The following LSAMP variants were observed in gnomAD, a reference collection of about 807,000 sequenced individuals.
LSAMP encodes the protein limbic system-associated membrane protein.
LSAMP carries 7 observed loss-of-function variants against 38.6 expected under a neutral mutation model. That is an observed-to-expected ratio of 0.18 (90% CI 0.10 to 0.34). The LOEUF (loss-of-function observed/expected upper bound fraction) is 0.34, where lower values mean the gene tolerates loss of function less well. Among genes scored for constraint, LSAMP ranks in the 10% least tolerant of loss-of-function variants. LSAMP has a pLI of 1.00. For synonymous variants in LSAMP, 154 were observed against 166.8 expected, an observed-to-expected ratio of 0.92 and a Z score of 0.59; for missense variants, 313 against 420.0, an observed-to-expected ratio of 0.75 and a Z score of 2.23.
chr3:116,114,750 G>A (rs965067138), intron 1 of LSAMP, among the ~76,000 whole-genome samples: 2 of 152,336 alleles, frequency 1.3e-5, no homozygotes, highest in African/African-American at 2.4e-5. Flanking sequence ...AATCCCTTGG[G>A]TAGATTGTAG....
chr3:116,303,050 A>T (rs952450353), intron 1 of LSAMP, among the ~76,000 whole-genome samples: 1 of 151,664 alleles, frequency 6.6e-6, no homozygotes, highest in Admixed American at 6.6e-5. Flanking sequence ...ATTTTAATTA[A>T]TTTTTTTTTG....
At chr3:116,099,960 C>A (rs944441582) in intron 1 of LSAMP, among the ~76,000 whole-genome samples, 4 of 151,966 alleles carry the variant, frequency 2.6e-5, no homozygotes, top group Non-Finnish European at 5.9e-5. Flanking sequence ...TTCAACATGT[C>A]CTGAGCTGAA....
chr3:115,980,222 C>T (rs1224382558), intron 3 of LSAMP, among the ~76,000 whole-genome samples: 1 of 146,686 alleles, frequency 6.8e-6, no homozygotes, highest in African/African-American at 2.7e-5. Flanking sequence ...TCCCTCTTAA[C>T]AAATGATCAG....
intron 4 of LSAMP, 44 bp downstream of exon 4, chr3:115,852,439 T>C: frequency 6.4e-7 from 1 of 1,566,218 alleles, no homozygotes; most frequent in Non-Finnish European, 8.6e-7. Context: ...GAGGTAGAGG[T>C]GCACCCTGGG....
chr3:115,895,240 G>T (rs1052989969), intron 3 of LSAMP, among the ~76,000 whole-genome samples: 3 of 152,032 alleles, frequency 2.0e-5, no homozygotes, highest in African/African-American at 7.2e-5. Flanking sequence ...AATTGTGAGG[G>T]TTTAGAGGCT....
intron 1 of LSAMP, among the ~76,000 whole-genome samples, chr3:116,405,744 T>G (rs371043644): frequency 6.6e-6 from 1 of 152,122 alleles, no homozygotes; most frequent in African/African-American, 2.4e-5. Flanking sequence ...TTAATTATTT[T>G]TTGCAGATGC....
chr3:116,204,617 T>C (rs1272523802), intron 1 of LSAMP, among the ~76,000 whole-genome samples: 4 of 152,108 alleles, frequency 2.6e-5, no homozygotes, highest in South Asian at 2.1e-4. Flanking sequence ...TCTTTCTCCA[T>C]ATGGCTAGCC....
At chr3:116,353,807 A>G (rs1021263522) in intron 1 of LSAMP, among the ~76,000 whole-genome samples, 17 of 152,260 alleles carry the variant, frequency 1.1e-4, no homozygotes, top group African/African-American at 4.1e-4. Context: ...GCACGTTGAC[A>G]CAAACACTGG....
intron 3 of LSAMP, among the ~76,000 whole-genome samples, chr3:115,967,848 A>G (rs1400605226): frequency 2.0e-5 from 3 of 152,042 alleles, no homozygotes; most frequent in Non-Finnish European, 4.4e-5. Flanking sequence ...ACCATCTCCC[A>G]CTGGATTCCT....
chr3:116,317,931 T>A (rs2047654588), intron 1 of LSAMP, among the ~76,000 whole-genome samples: 1 of 150,484 alleles, frequency 6.6e-6, no homozygotes, highest in Non-Finnish European at 1.5e-5. Flanking sequence ...AGGTCAGGAG[T>A]TCGAGACCAG....
chr3:116,188,334 C>T (rs1454868772), intron 1 of LSAMP, among the ~76,000 whole-genome samples: 1 of 152,136 alleles, frequency 6.6e-6, no homozygotes, highest in African/African-American at 2.4e-5. Flanking sequence ...TCATATGCAG[C>T]TCTATTGATT....
intron 1 of LSAMP, among the ~76,000 whole-genome samples, chr3:116,258,713 G>A (rs2107655900): frequency 6.6e-6 from 1 of 152,218 alleles, no homozygotes; most frequent in South Asian, 2.1e-4. Flanking sequence ...TGTTTGCCCT[G>A]CTTCCTGAAG....
At chr3:116,253,791 C>G (rs2046716572) in intron 1 of LSAMP, among the ~76,000 whole-genome samples, 1 of 152,128 alleles carries the variant, frequency 6.6e-6, no homozygotes, top group African/African-American at 2.4e-5. Flanking sequence ...GGCAGGAAAA[C>G]AGAGTAGAGT....
intron 1 of LSAMP, among the ~76,000 whole-genome samples, chr3:116,401,274 C>T (rs2048838319): frequency 6.6e-6 from 1 of 152,126 alleles, no homozygotes; most frequent in Non-Finnish European, 1.5e-5. Context: ...ATACTACAAT[C>T]TCCCTTGGTG....
chr3:115,876,272 A>G (rs1936177428), intron 3 of LSAMP, among the ~76,000 whole-genome samples: 1 of 143,322 alleles, frequency 7.0e-6, no homozygotes, highest in African/African-American at 2.7e-5. Flanking sequence ...AAAAAAAAGG[A>G]AAAAGCTTTT....
chr3:116,236,846 C>T (rs542544263), intron 1 of LSAMP, among the ~76,000 whole-genome samples: 27 of 112,510 alleles, frequency 2.4e-4, no homozygotes, highest in African/African-American at 7.6e-4. Context: ...CATTAGTCTG[C>T]CTATATGGGC....
At chr3:116,305,655 A>G (rs771334001) in intron 1 of LSAMP, among the ~76,000 whole-genome samples, 1 of 152,124 alleles carries the variant, frequency 6.6e-6, no homozygotes, top group Non-Finnish European at 1.5e-5. Flanking sequence ...AAAATTTCTT[A>G]ATTCTACCAA....
At chr3:116,162,625 G>A (rs1198355555) in intron 1 of LSAMP, among the ~76,000 whole-genome samples, 4 of 151,128 alleles carry the variant, frequency 2.6e-5, no homozygotes, top group South Asian at 2.1e-4. Flanking sequence ...TTATATGTGC[G>A]TGTGAGTGTG....
chr3:116,240,522 C>A (rs1431512), intron 1 of LSAMP, among the ~76,000 whole-genome samples: 7 of 152,192 alleles, frequency 4.6e-5, no homozygotes, highest in African/African-American at 1.2e-4. Context: ...AATGTCTCCC[C>A]TAGAGAAAAC....
Sources: allele counts gnomAD v4.1 joint callset (sites outside exome capture counted in the v4.1 genomes callset), GRCh38; gene constraint gnomAD v4.1.1; transcripts MANE v1.5; gene names NCBI Gene and HGNC (gene_info 2026-07-23, HGNC 2026-07-21).